The following SCML2 variants were observed in gnomAD, a reference collection of about 807,000 sequenced individuals.
SCML2 encodes the protein Scm polycomb group protein like 2.
Under a neutral mutation model 48.4 loss-of-function variants are expected in SCML2, and 6 were observed. The observed-to-expected ratio is 0.12, with a 90% confidence interval of 0.07 to 0.24. SCML2 has a LOEUF of 0.24. Ranked by LOEUF, SCML2 falls within the 10% of genes least tolerant of loss-of-function variation. The pLI is 1.00. For synonymous variants in SCML2, 181 were observed against 189.5 expected, an observed-to-expected ratio of 0.95 and a Z score of 0.37; for missense variants, 377 against 528.2, an observed-to-expected ratio of 0.71 and a Z score of 2.81.
intron 14 of SCML2, 63 bp downstream of exon 14, chrX:18,242,376 G>T: frequency 9.4e-7 from 1 of 1,064,298 alleles, no homozygotes; most frequent in Non-Finnish European, 1.2e-6. Context: ...TCCAAATGAA[G>T]GGCCTGCACA....
intron 6 of SCML2, among the ~76,000 whole-genome samples, chrX:18,310,933 T>C (rs1276625765): frequency 8.9e-6 from 1 of 111,737 alleles, no homozygotes; most frequent in African/African-American, 3.2e-5. Flanking sequence ...ACTCAAAAGG[T>C]ACCTTCTCAG....
chrX:18,347,264 G>A (rs1461532635), intron 1 of SCML2, among the ~76,000 whole-genome samples: 1 of 109,258 alleles, frequency 9.2e-6, no homozygotes, highest in Non-Finnish European at 1.9e-5. Flanking sequence ...GGCCAACATG[G>A]TAAAACCCCG....
At chrX:18,347,012 TATTCA>T (rs1414511871) in intron 1 of SCML2, among the ~76,000 whole-genome samples, 1 of 112,246 alleles carries the variant, frequency 8.9e-6, no homozygotes, top group African/African-American at 3.2e-5. Context: ...CACAAGTATC[TATTCA>T]ATTCACTCAA....
At chrX:18,332,012 T>C (rs1271468142) in intron 2 of SCML2, among the ~76,000 whole-genome samples, 1 of 112,470 alleles carries the variant, frequency 8.9e-6, no homozygotes, top group African/African-American at 3.2e-5. Flanking sequence ...AGGAGGCTCC[T>C]AATATCTAGT....
At chrX:18,310,727 A>G (rs969699785) in intron 6 of SCML2, among the ~76,000 whole-genome samples, 1 of 111,206 alleles carries the variant, frequency 9.0e-6, no homozygotes, top group Non-Finnish European at 1.9e-5. Context: ...CTGAGACTAC[A>G]GGAACGTGCC....
intron 7 of SCML2, among the ~76,000 whole-genome samples, chrX:18,285,967 T>C (rs779048123): frequency 8.9e-6 from 1 of 112,011 alleles, no homozygotes; most frequent in African/African-American, 3.2e-5. Flanking sequence ...GTACATAGAA[T>C]AGAATACAAC....
chrX:18,246,830 T>C lies in SCML2; in HGVS notation c.1571-2A>G, dbSNP rs1457692745. On this transcript the variant is annotated splice_acceptor_variant, in intron 12 of 14. Transcript: ENST00000251900. LOFTEE classifies it high-confidence loss of function. ...TTCCCCCAGCAAACAATGGTTCTCC[T>C]ACAGGGAAAAAGACAAAGGAGGCTA... is the stretch of plus-strand genomic sequence containing the variant. 8.4e-7 allele frequency: 1 copy of C among 1,188,651 alleles called. No individual in the cohort carries two copies. Among genetic ancestry groups the C allele is most frequent in the Non-Finnish European group, 1.1e-6 (1 of 885,435 alleles).
At position 18,296,455 on chromosome X, in the gene SCML2, C is replaced by A. The variant is rs371406293; in HGVS notation, c.730+8517G>T. Among the ~76,000 whole-genome samples, 6 of 109,708 alleles carry A rather than the reference C, an allele frequency of 5.5e-5. No individual in the cohort carries two copies. The East Asian group carries it at 1.7e-3, about 32-fold the overall frequency. On this transcript the variant is annotated intron_variant, in intron 7 of 14. Transcript: ENST00000251900. Reference sequence around the variant, plus strand: ...GAAAGCCTACATGACATATGAGACACCATAAAGCAAACAAATATACAAATT... The same window carrying A: ...GAAAGCCTACATGACATATGAGACAACATAAAGCAAACAAATATACAAATT...
chrX:18,293,093 T>C (rs1928285781), intron 7 of SCML2, among the ~76,000 whole-genome samples: 1 of 111,860 alleles, frequency 8.9e-6, no homozygotes, highest in Non-Finnish European at 1.9e-5. Flanking sequence ...TTTCCCAATA[T>C]TTTGCTTTGA....
chrX:18,335,898 G>A (rs956372281), intron 1 of SCML2, among the ~76,000 whole-genome samples: 1 of 111,847 alleles, frequency 8.9e-6, no homozygotes, highest in Non-Finnish European at 1.9e-5. Context: ...TTATATTTTT[G>A]AAAATGGAGA....
At chrX:18,263,843 A>G (rs1234365192) in intron 8 of SCML2, among the ~76,000 whole-genome samples, 3 of 105,522 alleles carry the variant, frequency 2.8e-5, no homozygotes, top group Non-Finnish European at 5.8e-5. Flanking sequence ...TCAGCCCTTT[A>G]AAGATGTTGT....
Position 18,297,134 on chromosome X carries a change from C to T in SCML2, c.730+7838G>A, listed in dbSNP as rs1046228605. On this transcript the variant is annotated intron_variant, in intron 7 of 14. Transcript: ENST00000251900. Reference sequence around the variant, plus strand: ...ATATCAACAGTATGAAGGACAAAAACCATACATCTCAACAGATGCAGAAAA... The same window carrying T: ...ATATCAACAGTATGAAGGACAAAAATCATACATCTCAACAGATGCAGAAAA... 2.7e-5 allele frequency among the ~76,000 whole-genome samples: 3 copies of T among 111,826 alleles called. No homozygotes were observed. In the Admixed American group the frequency reaches 2.8e-4, roughly 11 times the overall value.
At chrX:18,337,247 A>C (rs1460002481) in intron 1 of SCML2, among the ~76,000 whole-genome samples, 1 of 93,344 alleles carries the variant, frequency 1.1e-5, no homozygotes, top group Non-Finnish European at 2.1e-5. Context: ...GGTTGCAGTG[A>C]GCCAAGAACG....
At chrX:18,276,592 A>G (rs771026187) in intron 7 of SCML2, among the ~76,000 whole-genome samples, 4 of 112,254 alleles carry the variant, frequency 3.6e-5, no homozygotes, top group Non-Finnish European at 7.5e-5. Context: ...ATGTCCATCA[A>G]CGGAGAAATG....
At chrX:18,307,485 G>A (rs1292275224) in intron 6 of SCML2, among the ~76,000 whole-genome samples, 2 of 111,695 alleles carry the variant, frequency 1.8e-5, no homozygotes, top group Non-Finnish European at 3.8e-5. Context: ...CAGTTGACAA[G>A]TTTGTGCTAG....
chrX:18,321,280 A>C (rs1030226136), intron 5 of SCML2, among the ~76,000 whole-genome samples: 1 of 111,422 alleles, frequency 9.0e-6, no homozygotes, highest in African/African-American at 3.3e-5. Context: ...TTTTCTAGAG[A>C]TCTCACCAAC....
intron 7 of SCML2, among the ~76,000 whole-genome samples, chrX:18,293,039 G>A (rs183353245): frequency 9.0e-6 from 1 of 111,624 alleles, no homozygotes; most frequent in East Asian, 2.8e-4. Context: ...AAAGTAGTAT[G>A]AAGCCAAATA....
intron 1 of SCML2, among the ~76,000 whole-genome samples, chrX:18,350,986 C>T (rs1278965945): frequency 1.8e-5 from 2 of 110,784 alleles, no homozygotes; most frequent in Non-Finnish European, 3.8e-5. Flanking sequence ...ATTACCAACA[C>T]GGCCGGGCGT....
At chrX:18,316,775 G>A (rs1375351488) in intron 6 of SCML2, among the ~76,000 whole-genome samples, 1 of 112,084 alleles carries the variant, frequency 8.9e-6, no homozygotes, top group African/African-American at 3.2e-5. Context: ...CCCATCACTC[G>A]CATTACCACC....
Sources: allele counts gnomAD v4.1 joint callset (sites outside exome capture counted in the v4.1 genomes callset), GRCh38; gene constraint gnomAD v4.1.1; transcripts MANE v1.5; gene names NCBI Gene and HGNC (gene_info 2026-07-23, HGNC 2026-07-21).